The following PTH2R variants were observed in gnomAD, a reference collection of about 807,000 sequenced individuals.
PTH2R encodes the protein PTH2 receptor.
PTH2R carries 59 observed loss-of-function variants against 60.3 expected under a neutral mutation model. The observed-to-expected ratio is 0.98, with a 90% CI of 0.79 to 1.22. The LOEUF is 1.22. Among genes scored for constraint, PTH2R ranks in the 50% most tolerant of loss-of-function variants. The pLI is 0.00. For missense variants in PTH2R, 749 were observed against 682.6 expected (o/e 1.10, Z -1.08); for synonymous variants, 256 against 243.8 (o/e 1.05, Z -0.47).
Position 208,437,518 on chromosome 2 carries a change from A to AT in PTH2R, c.179-19_179-18insT. 1 of 1,564,954 alleles carries AT rather than the reference A, an allele frequency of 6.4e-7. No individual in the cohort carries two copies. The highest frequency in any genetic ancestry group is 8.7e-7 in the Non-Finnish European group (1 of 1,154,604). ...ACATTTTTCTTTGTTTATTTGCTTT[A>AT]ATTTTTTTTTCTCATTAGAAGGTAA... On this transcript the variant is annotated intron_variant, in intron 2 of 12. Coordinates refer to ENST00000272847, the MANE Select transcript of PTH2R (RefSeq NM_005048.4).
intron 1 of PTH2R, among the ~76,000 whole-genome samples, chr2:208,400,735 T>C (rs1375352753): frequency 6.6e-6 from 1 of 152,248 alleles, no homozygotes; most frequent in Admixed American, 6.5e-5. Flanking sequence ...GAGTTCACTA[T>C]ATAATTGCTA....
At position 208,481,075 on chromosome 2, in the gene PTH2R, T is replaced by C. The variant is rs145248031; in HGVS notation, c.987T>C (p.Asn329=). The stretch of plus-strand genomic sequence containing the variant: ...AATCTTACCTTCTTTTTCAGCTGAA[T>C]TTTATTCTGTTTCTGAATACGGTTA... ...QAPILAAIGL[N]FILFLNTVRV... is the part of the protein sequence containing the mutation. The change falls in exon 10 of 13, where the codon AAT becomes AAC. Residue 329 remains asparagine, a synonymous_variant. Coordinates refer to ENST00000272847, the MANE Select transcript of PTH2R (RefSeq NM_005048.4). The C allele has an allele frequency of 2.4e-5, 38 of 1,596,122 alleles. No individual in the cohort carries two copies. The African/African-American group carries it at 4.3e-4, about 18-fold the overall frequency.
chr2:208,389,227 T>TACACAC lies in PTH2R; in HGVS notation c.-259+29026_-259+29031dup, dbSNP rs71041306. Among the ~76,000 whole-genome samples, 1,038 of 142,630 alleles carry TACACAC rather than the reference T, an allele frequency of 7.3e-3. 10 individuals carry two copies. Among genetic ancestry groups the TACACAC allele is most frequent in the African/African-American group, 0.016 (603 of 38,710 alleles). The allele number at this position is 142,630 out of a possible 152,430, so 93.6% of individuals were successfully genotyped here. A position where few individuals can be genotyped will look rare whatever the true frequency, so the allele number is the denominator to read the frequency against. ...TGATGATACATTAAAAGGAAATGCA[T>TACACAC]ACACACACACACACACACACACACA... On this transcript the variant is annotated intron_variant, in intron 1 of 12. Coordinates refer to the PTH2R transcript ENST00000617735.
intron 1 of PTH2R, among the ~76,000 whole-genome samples, chr2:208,380,875 C>T (rs2125876289): frequency 6.6e-6 from 1 of 152,182 alleles, no homozygotes; most frequent in East Asian, 1.9e-4. Context: ...CCTCCATCTG[C>T]TACATCATTG....
At chr2:208,447,633 A>G (rs1052238150) in intron 7 of PTH2R, among the ~76,000 whole-genome samples, 11 of 149,588 alleles carry the variant, frequency 7.4e-5, no homozygotes, top group Non-Finnish European at 8.9e-5. Flanking sequence ...AAATAAATAA[A>G]TAAATAAATA....
chr2:208,475,805 C>G (rs1465918186), intron 9 of PTH2R, among the ~76,000 whole-genome samples: 1 of 152,152 alleles, frequency 6.6e-6, no homozygotes, highest in East Asian at 1.9e-4. Context: ...TCATGCCTCA[C>G]ATCATCATTG....
Position 208,440,804 on chromosome 2 carries a change from G to T in PTH2R, c.412-1560G>T, listed in dbSNP as rs143414469. 3.6e-3 allele frequency among the ~76,000 whole-genome samples: 553 copies of T among 152,340 alleles called. 3 individuals are homozygous for T. The highest frequency in any genetic ancestry group is 0.013 in the African/African-American group (523 of 41,578). ...ATAATCCACCAGGCAATTCTTTGCC[G>T]TGAGGTCTTCACCGAGTGCATGGGG... On this transcript the variant is annotated intron_variant, in intron 4 of 12. Coordinates refer to ENST00000272847, the MANE Select transcript of PTH2R (RefSeq NM_005048.4).
intron 9 of PTH2R, among the ~76,000 whole-genome samples, chr2:208,470,154 T>A (rs916849971): frequency 6.6e-6 from 1 of 152,226 alleles, no homozygotes; most frequent in Non-Finnish European, 1.5e-5. Flanking sequence ...GCCAGTATTA[T>A]GGTGTGGAGA....
intron 1 of PTH2R, among the ~76,000 whole-genome samples, chr2:208,425,839 T>C (rs766581116): frequency 6.6e-6 from 1 of 152,214 alleles, no homozygotes; most frequent in African/African-American, 2.4e-5. Flanking sequence ...TTACTCCAAG[T>C]TGGGGATGTA....
intron 1 of PTH2R, among the ~76,000 whole-genome samples, chr2:208,370,084 C>G (rs898517727): frequency 6.6e-6 from 1 of 152,034 alleles, no homozygotes; most frequent in Non-Finnish European, 1.5e-5. Flanking sequence ...CTTGTACAAT[C>G]ACTGGCAACA....
intron 1 of PTH2R, among the ~76,000 whole-genome samples, chr2:208,386,450 G>A (rs1701003393): frequency 6.6e-6 from 1 of 152,168 alleles, no homozygotes; most frequent in Non-Finnish European, 1.5e-5. Flanking sequence ...GCATAAATAT[G>A]TGGAGCTCTT....
chr2:208,401,010 T>G (rs2105823917), intron 1 of PTH2R, among the ~76,000 whole-genome samples: 1 of 152,324 alleles, frequency 6.6e-6, no homozygotes, highest in Middle Eastern at 3.4e-3. Context: ...GTATGATACA[T>G]GAGAGTTAGT....
intron 1 of PTH2R, among the ~76,000 whole-genome samples, chr2:208,378,897 T>C (rs1295349936): frequency 6.6e-6 from 1 of 152,120 alleles, no homozygotes; most frequent in African/African-American, 2.4e-5. Context: ...GTGTTAGATA[T>C]GGGAATAATG....
chr2:208,393,301 G>T lies in PTH2R; in HGVS notation c.-259+33064G>T, dbSNP rs887520654. Among the ~76,000 whole-genome samples the T allele has an allele frequency of 3.3e-4, 6 of 18,156 alleles. No homozygotes were observed. In the Non-Finnish European group the frequency reaches 5.2e-3, roughly 16 times the overall value. 11.9% of individuals were successfully genotyped at this position (18,156 alleles called of 152,430 possible). A position where few individuals can be genotyped will look rare whatever the true frequency, so the allele number is the denominator to read the frequency against. ...GATGAGCTGTCCCTCAACTGAATCA[G>T]GGGATAAAGAGGTGTGTTTTATTAG... On this transcript the variant is annotated intron_variant, in intron 1 of 12. Coordinates refer to the PTH2R transcript ENST00000617735.
At chr2:208,369,244 G>A (rs1366255619) in intron 1 of PTH2R, among the ~76,000 whole-genome samples, 1 of 152,072 alleles carries the variant, frequency 6.6e-6, no homozygotes, top group Non-Finnish European at 1.5e-5. Context: ...AAGCACATTG[G>A]AAGTGAAGAT....
chr2:208,383,873 G>A (rs1198069341), intron 1 of PTH2R, among the ~76,000 whole-genome samples: 1 of 152,178 alleles, frequency 6.6e-6, no homozygotes, highest in Non-Finnish European at 1.5e-5. Context: ...TCTCCATGCT[G>A]AGTGTCTGTT....
chr2:208,458,506 T>G (rs1248040438), intron 8 of PTH2R, among the ~76,000 whole-genome samples: 1 of 151,978 alleles, frequency 6.6e-6, no homozygotes, highest in Non-Finnish European at 1.5e-5. Flanking sequence ...TAGATAAACA[T>G]GTGTCACAGA....
At position 208,396,920 on chromosome 2, in the gene PTH2R, T is replaced by C. The variant is rs1471565088; in HGVS notation, c.-258-31281T>C. ...CGGAACCAACCCAAATGTCCATCAA[T>C]GATAGACTGGATTAAGAAAATGTGG... On this transcript the variant is annotated intron_variant, in intron 1 of 12. Coordinates refer to the PTH2R transcript ENST00000617735. Among the ~76,000 whole-genome samples, 4 of 152,122 alleles carry C rather than the reference T, an allele frequency of 2.6e-5. No homozygotes were observed. In the East Asian group the frequency reaches 7.7e-4, roughly 29 times the overall value.
chr2:208,410,151 A>C (rs1015869907), intron 1 of PTH2R, among the ~76,000 whole-genome samples: 8 of 152,202 alleles, frequency 5.3e-5, no homozygotes, highest in Non-Finnish European at 1.0e-4. Context: ...GAAAATCAGA[A>C]ATCTCTTTCT....
Sources: gnomAD v4.1 joint callset for allele counts (sites outside exome capture counted in the v4.1 genomes callset) on GRCh38, gnomAD v4.1.1 for gene constraint, MANE v1.5 for transcripts, NCBI Gene and HGNC (gene_info 2026-07-23, HGNC 2026-07-21) for gene names.